Variants in RCAN2 observed in about 807,000 individuals in gnomAD.
RCAN2 encodes regulator of calcineurin 2, also known as calcipressin-2.
A neutral mutation model predicts 23.6 loss-of-function variants in RCAN2; 9 were observed. The ratio of observed to expected loss-of-function variants is 0.38; its 90% CI spans 0.23 to 0.67. The LOEUF is 0.67. RCAN2 is among the 30% of genes least tolerant of loss of function. RCAN2 has a pLI of 0.51. For missense variants in RCAN2, 273 were observed against 302.3 expected, an observed-to-expected ratio of 0.90 and a Z score of 0.72; for synonymous variants, 109 against 115.7, an observed-to-expected ratio of 0.94 and a Z score of 0.37.
At position 46,450,625 on chromosome 6, in the gene RCAN2, T is replaced by C. The variant is rs190201007; in HGVS notation, c.225+6127A>G. ...TCAGCCTTAAACAAGAAGGAAACCCTGTCTTTGCACAACATGGATGAAAAT... is the reference window on the plus strand; with the variant it reads ...TCAGCCTTAAACAAGAAGGAAACCCCGTCTTTGCACAACATGGATGAAAAT... On this transcript the variant is annotated intron_variant, in intron 2 of 4. Transcript: ENST00000371374. Among the ~76,000 whole-genome samples the C allele has an allele frequency of 4.0e-3, 604 of 152,154 alleles. 4 individuals carry two copies. The highest frequency in any genetic ancestry group is 0.014 in the African/African-American group (578 of 41,554).
intron 2 of RCAN2, among the ~76,000 whole-genome samples, chr6:46,260,686 G>T (rs1767082858): frequency 6.6e-6 from 1 of 152,166 alleles, no homozygotes; most frequent in East Asian, 1.9e-4. Flanking sequence ...CTCACCAGAG[G>T]CTATGGAGCC....
In RCAN2 at chr6:46,393,025, A is replaced by C. The variant is rs143982810; in HGVS notation, c.225+63727T>G. On this transcript the variant is annotated intron_variant, in intron 2 of 4. Coordinates refer to ENST00000371374, the MANE Select transcript of RCAN2 (RefSeq NM_001251974.2). ...AATAAAGGAATGACATCAGAATAAAATGTTCCTTGGGTTAAGTGAATTTGG... is the reference window on the plus strand; with the variant it reads ...AATAAAGGAATGACATCAGAATAAACTGTTCCTTGGGTTAAGTGAATTTGG... 4.9e-3 allele frequency among the ~76,000 whole-genome samples: 742 copies of C among 152,316 alleles called. 6 individuals are homozygous for C. The highest frequency in any genetic ancestry group is 8.3e-3 in the Non-Finnish European group (566 of 68,022).
Position 46,306,124 on chromosome 6 carries a change from T to C in RCAN2, c.226-57228A>G, listed in dbSNP as rs148883539. ...AAAATGCCTCTGATTACAGGGGATA[T>C]GGTGAGGAGTAGGCAGGGTGCCAAT... On this transcript the variant is annotated intron_variant, in intron 2 of 4. Coordinates refer to ENST00000371374, the MANE Select transcript of RCAN2 (RefSeq NM_001251974.2). Among the ~76,000 whole-genome samples the C allele has an allele frequency of 2.0e-5, 3 of 152,144 alleles. No individual in the cohort carries two copies. In the East Asian group the frequency reaches 5.8e-4, roughly 30 times the overall value.
intron 1 of RCAN2, among the ~76,000 whole-genome samples, chr6:46,462,383 TGAA>T (rs1768243365): frequency 6.6e-6 from 1 of 152,252 alleles, no homozygotes; most frequent in Admixed American, 6.5e-5. Context: ...CTCATTTTAA[TGAA>T]GAAGGAAGCC....
chr6:46,375,217 T>A (rs1019920227), intron 2 of RCAN2, among the ~76,000 whole-genome samples: 4 of 152,194 alleles, frequency 2.6e-5, no homozygotes, highest in Non-Finnish European at 5.9e-5. Context: ...AGTGCTGGGA[T>A]TACAGGTGTG....
At chr6:46,427,675 T>C (rs1252509938) in intron 2 of RCAN2, among the ~76,000 whole-genome samples, 1 of 152,336 alleles carries the variant, frequency 6.6e-6, no homozygotes, top group Non-Finnish European at 1.5e-5. Context: ...ACCCGGATTC[T>C]GAGTCACATG....
chr6:46,490,688 C>T (rs574616740), intron 1 of RCAN2, among the ~76,000 whole-genome samples: 41 of 152,318 alleles, frequency 2.7e-4, no homozygotes, highest in African/African-American at 7.7e-4. Flanking sequence ...CGCTGCACCT[C>T]AGTGCACCTA....
At chr6:46,427,066 G>T (rs1215672257) in intron 2 of RCAN2, among the ~76,000 whole-genome samples, 13 of 152,116 alleles carry the variant, frequency 8.5e-5, no homozygotes, top group African/African-American at 3.1e-4. Context: ...TATTAGGAGG[G>T]TAAGAGAGGG....
chr6:46,483,087 G>T (rs1285465951), intron 1 of RCAN2, among the ~76,000 whole-genome samples: 2 of 152,154 alleles, frequency 1.3e-5, no homozygotes, highest in Non-Finnish European at 2.9e-5. Context: ...TTCCCCACAA[G>T]CACACTGTGG....
At chr6:46,381,874 A>G (rs1765623294) in intron 2 of RCAN2, among the ~76,000 whole-genome samples, 1 of 152,206 alleles carries the variant, frequency 6.6e-6, no homozygotes, top group Non-Finnish European at 1.5e-5. Flanking sequence ...GAACTGGCCT[A>G]CAAGGTAAAC....
chr6:46,250,859 C>T (rs1018589676), intron 2 of RCAN2, among the ~76,000 whole-genome samples: 15 of 152,112 alleles, frequency 9.9e-5, no homozygotes, highest in Admixed American at 7.2e-4. Flanking sequence ...GGTCTTCCTG[C>T]CTCTTGGGCA....
chr6:46,260,733 G>A (rs1034242673), intron 2 of RCAN2, among the ~76,000 whole-genome samples: 1 of 152,182 alleles, frequency 6.6e-6, no homozygotes, highest in African/African-American at 2.4e-5. Context: ...GTGGATGGCT[G>A]CAAGTCTCTT....
At chr6:46,230,763 C>A (rs147843371) in intron 4 of RCAN2, among the ~76,000 whole-genome samples, 1 of 152,148 alleles carries the variant, frequency 6.6e-6, no homozygotes, top group Non-Finnish European at 1.5e-5. Flanking sequence ...GTGGGCTGCA[C>A]CCACTGTCCA....
At chr6:46,424,012 G>A (rs778386583) in intron 2 of RCAN2, among the ~76,000 whole-genome samples, 2 of 152,126 alleles carry the variant, frequency 1.3e-5, no homozygotes, top group Non-Finnish European at 2.9e-5. Flanking sequence ...TGTGGTTCTC[G>A]AACCTGCGAG....
At chr6:46,256,728 T>G (rs1766930063) in intron 2 of RCAN2, among the ~76,000 whole-genome samples, 1 of 152,102 alleles carries the variant, frequency 6.6e-6, no homozygotes, top group Admixed American at 6.6e-5. Flanking sequence ...AAACATGGCT[T>G]ATAAAGATAT....
chr6:46,280,246 C>T (rs1421229270), intron 2 of RCAN2, among the ~76,000 whole-genome samples: 7 of 152,098 alleles, frequency 4.6e-5, no homozygotes, highest in Admixed American at 4.6e-4. Context: ...GAAGTCAGAA[C>T]TAAGGCCATT....
intron 2 of RCAN2, among the ~76,000 whole-genome samples, chr6:46,308,316 A>G (rs1467438082): frequency 6.6e-6 from 1 of 152,240 alleles, no homozygotes; most frequent in Non-Finnish European, 1.5e-5. Flanking sequence ...CATTATTATT[A>G]TAGTCAAATA....
intron 2 of RCAN2, among the ~76,000 whole-genome samples, chr6:46,298,179 GA>G (rs1259248453): frequency 2.6e-5 from 4 of 152,086 alleles, no homozygotes; most frequent in Non-Finnish European, 5.9e-5. Context: ...GCTTAGAAGG[GA>G]AAAATAATAC....
chr6:46,358,710 T>C (rs914929080), intron 2 of RCAN2, among the ~76,000 whole-genome samples: 2 of 152,160 alleles, frequency 1.3e-5, no homozygotes, highest in South Asian at 2.1e-4. Flanking sequence ...TTGTTAGAGT[T>C]TGCAGGTGAT....
Sources: gnomAD v4.1 joint callset for allele counts (sites outside exome capture counted in the v4.1 genomes callset) on GRCh38, gnomAD v4.1.1 for gene constraint, MANE v1.5 for transcripts, NCBI Gene and HGNC (gene_info 2026-07-23, HGNC 2026-07-21) for gene names.